ZZEF1: variants seen among roughly 807,000 people sequenced by gnomAD.
ZZEF1 encodes the protein zinc finger ZZ-type and EF-hand domain-containing protein 1.
Under a neutral mutation model 342.8 loss-of-function variants are expected in ZZEF1, and 157 were observed. That is an observed-to-expected ratio of 0.46 (90% CI 0.40 to 0.52). The LOEUF is 0.52. ZZEF1 is among the 20% of genes least tolerant of loss of function. The pLI is 0.00. For missense variants in ZZEF1, 3,480 were observed against 3,725.6 expected (o/e 0.93, Z 1.72); for synonymous variants, 1,505 against 1,429.1 (o/e 1.05, Z -1.20).
At position 4,016,464 on chromosome 17, in the gene ZZEF1, G is replaced by A. The variant is rs764580415; in HGVS notation, c.8004C>T (p.Ile2668=). 45 of 1,608,192 alleles carry A rather than the reference G, an allele frequency of 2.8e-5. No individual in the cohort carries two copies. Among genetic ancestry groups the A allele is most frequent in the Non-Finnish European group, 3.8e-5 (45 of 1,178,820 alleles). ...QLEEKHEWEK[I]LQKVLQGCRE... ...GGCAGCCCTGGAGCACTTTCTGCAG[G>A]ATCTGGTGGGAAGCAGACAGATAAG... The change falls in exon 49 of 55, where the codon ATC becomes ATT. Residue 2668 remains isoleucine (I), a splice_region_variant and synonymous_variant. Transcript: ENST00000381638. The surrounding 1 kb of genome is among the most constrained non-coding windows in gnomAD (Gnocchi z 4.4).
chr17:4,065,259 T>C (rs2057370221), intron 28 of ZZEF1, among the ~76,000 whole-genome samples: 2 of 151,920 alleles, frequency 1.3e-5, no homozygotes, highest in South Asian at 4.1e-4. Flanking sequence ...TAACCAGACA[T>C]GGTGGCACAC....
At position 4,142,778 on chromosome 17, in the gene ZZEF1, C is replaced by G. The variant is rs1226360287; in HGVS notation, c.118G>C (p.Ala40Pro). The change falls in exon 1 of 55, where the codon GCG (alanine) becomes CCG (proline). Residue 40 changes from alanine (A) to proline (P), a missense_variant. Around this residue, in one of 5 missense-constraint regions of ZZEF1, gnomAD observed 416 missense variants for 374.2 expected, o/e 1.11. Transcript: ENST00000381638. ...VSGTTPGPGVAAPALPPAAAL... is the reference protein window; with the variant it reads ...VSGTTPGPGVPAPALPPAAAL... ...GCGGCGGGTGGTAGCGCTGGAGCCGCGACGCCCGGGCCGGGGGTCGTGCCC... is the reference window on the plus strand; with the variant it reads ...GCGGCGGGTGGTAGCGCTGGAGCCGGGACGCCCGGGCCGGGGGTCGTGCCC... The G allele has an allele frequency of 7.0e-7, 1 of 1,427,634 alleles. No individual in the cohort carries two copies. The highest frequency in any genetic ancestry group is 1.5e-5 in the South Asian group (1 of 67,032). The allele number at this position is 1,427,634 out of a possible 1,614,324, so 88.4% of individuals were successfully genotyped here.
At chr17:4,028,217 C>T (rs931715539) in intron 42 of ZZEF1, among the ~76,000 whole-genome samples, 3 of 152,126 alleles carry the variant, frequency 2.0e-5, no homozygotes, top group Non-Finnish European at 4.4e-5. Context: ...TTCTATATGA[C>T]ATAAATCTCA....
Position 4,051,842 on chromosome 17 carries a change from T to C in ZZEF1, c.5600+129A>G, listed in dbSNP as rs935140564. The C allele has an allele frequency of 9.7e-6, 9 of 925,750 alleles. No homozygotes were observed. The Admixed American group carries it at 1.8e-4, about 18-fold the overall frequency. The allele number at this position is 925,750 out of a possible 1,614,324, so 57.3% of individuals were successfully genotyped here. On this transcript the variant is annotated intron_variant, in intron 35 of 54. Transcript: ENST00000381638. ...GGTACATGAAGGTTCACTGTGTTAG[T>C]CTCTTTACTTTTGGTTATGTTTAAA... is the stretch of plus-strand genomic sequence containing the variant.
intron 11 of ZZEF1, among the ~76,000 whole-genome samples, chr17:4,092,086 A>AT (rs761997864): frequency 0.019 from 663 of 35,046 alleles, 5 homozygotes; most frequent in Middle Eastern, 0.06. Context: ...CAAAAAAAAA[A>AT]AAAATAATAA....
intron 39 of ZZEF1, among the ~76,000 whole-genome samples, chr17:4,037,450 A>C (rs1256120925): frequency 6.6e-6 from 1 of 152,254 alleles, no homozygotes; most frequent in African/African-American, 2.4e-5. Context: ...CCCAAAGAGG[A>C]GGACATTCCA....
chr17:4,118,075 C>T (rs1012694773), intron 2 of ZZEF1, among the ~76,000 whole-genome samples: 4 of 152,110 alleles, frequency 2.6e-5, no homozygotes, highest in African/African-American at 9.7e-5. Flanking sequence ...AATAGGGAAC[C>T]CCCCATGAGG....
At chr17:4,091,706 G>A (rs972220254) in intron 11 of ZZEF1, among the ~76,000 whole-genome samples, 4 of 151,828 alleles carry the variant, frequency 2.6e-5, no homozygotes, top group Admixed American at 2.0e-4. Context: ...GAACCCAAGA[G>A]GTGGAGGTTG....
chr17:4,091,767 G>C (rs1394684572), intron 11 of ZZEF1, among the ~76,000 whole-genome samples: 1 of 145,428 alleles, frequency 6.9e-6, no homozygotes, highest in Non-Finnish European at 1.5e-5. Context: ...ACAGAGCAAG[G>C]CTCCATCTCA....
In ZZEF1 at chr17:4,006,882, A is replaced by G; in HGVS notation, c.*8T>C. ...GATGAACTAGTCCCATGCACGCCCC[A>G]CCAAGGGCTAACACTCCACATTCCA... On this transcript the variant is annotated 3_prime_UTR_variant, in exon 55 of 55. Coordinates refer to ENST00000381638, the MANE Select transcript of ZZEF1 (RefSeq NM_015113.4). 3 of 1,579,344 alleles carry G rather than the reference A, an allele frequency of 1.9e-6. No homozygotes were observed. The highest frequency in any genetic ancestry group is 2.6e-6 in the Non-Finnish European group (3 of 1,161,030).
At position 4,016,600 on chromosome 17, in the gene ZZEF1, C is replaced by T; in HGVS notation, c.8002-134G>A. Reference sequence around the variant, plus strand: ...CTAGGACGAGCCTCTGTGACTCCACCACCCAAAACCAACTCCACCAGCCAC... The same window carrying T: ...CTAGGACGAGCCTCTGTGACTCCACTACCCAAAACCAACTCCACCAGCCAC... On this transcript the variant is annotated intron_variant, in intron 48 of 54. Transcript: ENST00000381638. This position sits in a 1 kb window ranked among gnomAD's most constrained non-coding sequence, Gnocchi z 4.4. 1 of 1,008,708 alleles carries T rather than the reference C, an allele frequency of 9.9e-7. No individual in the cohort carries two copies. The highest frequency in any genetic ancestry group is 1.6e-5 in the African/African-American group (1 of 61,522). 62.5% of individuals were successfully genotyped at this position (1,008,708 alleles called of 1,614,324 possible). A position where few individuals can be genotyped will look rare whatever the true frequency, so the allele number is the denominator to read the frequency against.
intron 21 of ZZEF1, 36 bp downstream of exon 21, chr17:4,076,601 A>G: frequency 6.3e-7 from 1 of 1,589,588 alleles, no homozygotes; most frequent in Non-Finnish European, 8.6e-7. Context: ...CTCCTGAGAG[A>G]GAACACGGGG....
chr17:4,009,829 G>C (rs1047616631), intron 52 of ZZEF1, 72 bp from the exon 53 acceptor site: 1 of 1,541,706 alleles, frequency 6.5e-7, no homozygotes, highest in African/African-American at 1.4e-5. Context: ...ACAGCTGGCA[G>C]GAACCACAGC....
chr17:4,123,572 G>C (rs1359413140), intron 2 of ZZEF1, among the ~76,000 whole-genome samples: 1 of 151,902 alleles, frequency 6.6e-6, no homozygotes, highest in African/African-American at 2.4e-5. Flanking sequence ...ATAATGAATT[G>C]ATCAATTACA....
intron 1 of ZZEF1, among the ~76,000 whole-genome samples, chr17:4,133,667 G>A (rs2058703964): frequency 1.3e-5 from 2 of 151,588 alleles, no homozygotes; most frequent in South Asian, 4.2e-4. Context: ...GCTGTGTATT[G>A]CTAATAAAAA....
intron 2 of ZZEF1, among the ~76,000 whole-genome samples, chr17:4,119,864 C>T (rs888087428): frequency 1.5e-5 from 2 of 129,822 alleles, no homozygotes; most frequent in African/African-American, 2.7e-5. Flanking sequence ...AGTCACTAAA[C>T]TCCTTGATTC....
intron 53 of ZZEF1, 192 bp from the exon 54 acceptor site, chr17:4,009,146 C>T: frequency 1.5e-6 from 1 of 675,090 alleles, no homozygotes; most frequent in Non-Finnish European, 2.5e-6. Context: ...CCGGGGTCAC[C>T]TTTGCCTCCA....
At chr17:4,083,940 A>G (rs768502073) in intron 16 of ZZEF1, among the ~76,000 whole-genome samples, 3 of 152,126 alleles carry the variant, frequency 2.0e-5, no homozygotes, top group African/African-American at 7.2e-5. Context: ...AAATAATTCT[A>G]TTAGTTGCTT....
chr17:4,022,291 C>G (rs1183037227), intron 44 of ZZEF1: 1 of 160,224 alleles, frequency 6.2e-6, no homozygotes, highest in East Asian at 1.8e-4. Flanking sequence ...GCTAAGAAAA[C>G]TCTAAGGTCT....
Sources: allele counts gnomAD v4.1 joint callset (sites outside exome capture counted in the v4.1 genomes callset), GRCh38; gene constraint gnomAD v4.1.1; regional missense constraint gnomAD v4.1.1; non-coding constraint Gnocchi (gnomAD v3.1); transcripts MANE v1.5; gene names NCBI Gene and HGNC (gene_info 2026-07-23, HGNC 2026-07-21).